Variants in NEK5 observed in about 807,000 individuals in gnomAD.
The protein encoded by NEK5 is serine/threonine-protein kinase Nek5.
Under a neutral mutation model 109.2 loss-of-function variants are expected in NEK5, and 88 were observed. The ratio of observed to expected loss-of-function variants is 0.81; its 90% CI spans 0.68 to 0.96. The LOEUF is 0.96. Among genes scored for constraint, NEK5 ranks in the 40% least tolerant of loss-of-function variants. NEK5 has a pLI of 0.00. For synonymous variants in NEK5, 283 were observed against 299.9 expected, an observed-to-expected ratio of 0.94 and a Z score of 0.58; for missense variants, 834 against 920.7, an observed-to-expected ratio of 0.91 and a Z score of 1.22.
chr13:52,057,965 G>T (rs916206991), intron 22 of NEK5, among the ~76,000 whole-genome samples: 8 of 152,136 alleles, frequency 5.3e-5, no homozygotes, highest in African/African-American at 1.9e-4. Context: ...AATGAGGCAG[G>T]AGAAGCAAAT....
chr13:52,069,362 A>T (rs1379573386), intron 20 of NEK5, among the ~76,000 whole-genome samples: 1 of 152,118 alleles, frequency 6.6e-6, no homozygotes, highest in Non-Finnish European at 1.5e-5. Context: ...CTGATTCTCC[A>T]AAGTTTGTTT....
intron 19 of NEK5, among the ~76,000 whole-genome samples, chr13:52,073,250 CCAATA>C (rs1207494175): frequency 1.3e-5 from 2 of 151,246 alleles, no homozygotes; most frequent in African/African-American, 4.8e-5. Flanking sequence ...AGAAATAACA[CCAATA>C]AAATAAAATG....
chr13:52,039,381 A>C (rs1210224796), intron 23 of NEK5, among the ~76,000 whole-genome samples: 1 of 152,196 alleles, frequency 6.6e-6, no homozygotes, highest in Non-Finnish European at 1.5e-5. Context: ...TGGGTGGACC[A>C]GTAAGTGCAA....
rs1954366455 is a variant in NEK5, at chr13:52,037,071, A to C, written c.2376T>G (p.Ser792Arg). ...CCCTTAATTCTTCAGATTTCTGCAT[A>C]CTTATCCCCTCTCTTTCTCTTGACT... ...SRKSREREGI[S>R]MQKSEELREG... Residue 792 changes from serine to arginine, a missense_variant, in exon 24 of 24, where the codon AGT (serine) becomes AGG (arginine). Physicochemically the swap from Ser to Arg is moderately radical, Grantham distance 110 (BLOSUM62 -1). Coordinates refer to ENST00000684899, the MANE Select transcript of NEK5 (RefSeq NM_001365552.1). The C allele has an allele frequency of 1.0e-6, 1 of 985,258 alleles. No homozygotes were observed. The highest frequency in any genetic ancestry group is 4.7e-5 in the South Asian group (1 of 21,294). The allele number at this position is 985,258 out of a possible 1,614,324, so 61.0% of individuals were successfully genotyped here. A position where few individuals can be genotyped will look rare whatever the true frequency, so the allele number is the denominator to read the frequency against.
At chr13:52,052,081 G>A (rs146300911) in intron 22 of NEK5, among the ~76,000 whole-genome samples, 15 of 152,166 alleles carry the variant, frequency 9.9e-5, no homozygotes, top group Non-Finnish European at 2.2e-4. Flanking sequence ...CTATGACCTG[G>A]AAGCCCTCCC....
intron 3 of NEK5, 72 bp downstream of exon 3, chr13:52,127,294 C>T: frequency 3.6e-6 from 3 of 828,182 alleles, no homozygotes. Context: ...ATAAAAATTT[C>T]CTTTTTATAT....
chr13:52,064,376 G>A (rs1954651666), intron 21 of NEK5, among the ~76,000 whole-genome samples: 1 of 142,424 alleles, frequency 7.0e-6, no homozygotes, highest in African/African-American at 2.6e-5. Context: ...CCCCCGCCCG[G>A]CCAGCCGCCC....
chr13:52,107,541 G>A (rs1408795942), intron 8 of NEK5, among the ~76,000 whole-genome samples: 3 of 151,616 alleles, frequency 2.0e-5, no homozygotes, highest in Non-Finnish European at 4.4e-5. Context: ...GCAGTGAGCC[G>A]AGATCGTGCC....
intron 16 of NEK5, among the ~76,000 whole-genome samples, chr13:52,084,760 AGAGTGTGTGTGTGTGTGTGT>A (rs1955100693): frequency 2.7e-5 from 1 of 36,566 alleles, no homozygotes; most frequent in Non-Finnish European, 7.5e-5. Context: ...AGAGAGAGAG[AGAGTGTGTGTGTGTGTGTGT>A]GTGTGTGTGT....
chr13:52,059,846 C>G (rs543436553), intron 22 of NEK5, among the ~76,000 whole-genome samples: 36 of 152,002 alleles, frequency 2.4e-4, no homozygotes, highest in African/African-American at 8.2e-4. Flanking sequence ...GGAGATATAC[C>G]TAATGCTTGA....
chr13:52,056,237 G>C (rs1954553927), intron 22 of NEK5, among the ~76,000 whole-genome samples: 1 of 151,372 alleles, frequency 6.6e-6, no homozygotes, highest in Non-Finnish European at 1.5e-5. Context: ...AATTCAACAA[G>C]AAGAGCTAAC....
intron 4 of NEK5, among the ~76,000 whole-genome samples, chr13:52,114,619 C>G (rs1955816815): frequency 6.6e-6 from 1 of 152,184 alleles, no homozygotes; most frequent in African/African-American, 2.4e-5. Flanking sequence ...GAGGCGAAGT[C>G]TAGTTGGGGA....
At chr13:52,045,082 G>T (rs965547312) in intron 23 of NEK5, among the ~76,000 whole-genome samples, 10 of 149,494 alleles carry the variant, frequency 6.7e-5, no homozygotes, top group Non-Finnish European at 1.2e-4. Context: ...ATGCAAATAC[G>T]TATAAAAACG....
Position 52,127,618 on chromosome 13 carries a change from C to A in NEK5, c.-46G>T. ...ACTTAGCTAAAACTTTCCTCCCAGC[C>A]TTGCCAAGACAGAGACAAATAACTT... On this transcript the variant is annotated 5_prime_UTR_variant, in exon 2 of 24. In the 5' UTR this introduces an upstream ATG that the reference lacks. Coordinates refer to ENST00000684899, the MANE Select transcript of NEK5 (RefSeq NM_001365552.1). The A allele has an allele frequency of 1.6e-6, 1 of 623,256 alleles. No homozygotes were observed. The highest frequency in any genetic ancestry group is 2.9e-6 in the Non-Finnish European group (1 of 348,692). 38.6% of individuals were successfully genotyped at this position (623,256 alleles called of 1,614,324 possible).
chr13:52,034,470 T>G lies in NEK5; in HGVS notation c.*2478A>C, dbSNP rs994352466. The G allele has an allele frequency of 1.3e-5, 2 of 152,114 alleles. No individual in the cohort carries two copies. The highest frequency in any genetic ancestry group is 2.9e-5 in the Non-Finnish European group (2 of 68,076). 9.4% of individuals were successfully genotyped at this position (152,114 alleles called of 1,614,324 possible). On this transcript the variant is annotated 3_prime_UTR_variant, in exon 24 of 24. Transcript: ENST00000684899. Reference sequence around the variant, plus strand: ...TAGACTAGACTTTAGCCAAGCATCTTTTATCATGGGAACAAACCCGATAAC... The same window carrying G: ...TAGACTAGACTTTAGCCAAGCATCTGTTATCATGGGAACAAACCCGATAAC...
At chr13:52,112,531 C>T (rs914259786) in intron 4 of NEK5, among the ~76,000 whole-genome samples, 166 bp from the exon 5 acceptor site, 4 of 152,260 alleles carry the variant, frequency 2.6e-5, no homozygotes, top group African/African-American at 9.6e-5. Context: ...GCCTCATTAC[C>T]TCATCTGTAA....
intron 12 of NEK5, among the ~76,000 whole-genome samples, chr13:52,098,031 A>G (rs746422307): frequency 1.1e-4 from 17 of 152,092 alleles, no homozygotes; most frequent in Non-Finnish European, 2.1e-4. Flanking sequence ...GCCATTTAAG[A>G]TGAGCCTGCT....
intron 22 of NEK5, among the ~76,000 whole-genome samples, chr13:52,055,630 G>C (rs1566733462): frequency 6.6e-6 from 1 of 151,948 alleles, no homozygotes. Flanking sequence ...CCAGAACAGA[G>C]GGGGGCCAAT....
chr13:52,051,137 T>C (rs1277362694), intron 22 of NEK5, among the ~76,000 whole-genome samples: 1 of 151,980 alleles, frequency 6.6e-6, no homozygotes, highest in African/African-American at 2.4e-5. Flanking sequence ...AAACGTTTTT[T>C]AAAGGCCTTT....
Sources: gnomAD v4.1 joint callset for allele counts (sites outside exome capture counted in the v4.1 genomes callset) on GRCh38, gnomAD v4.1.1 for gene constraint, MANE v1.5 for transcripts, NCBI Gene and HGNC (gene_info 2026-07-23, HGNC 2026-07-21) for gene names.